The following ROR2 variants were observed in gnomAD, a reference collection of about 807,000 sequenced individuals.
The protein encoded by ROR2 is ROR family WNT receptor 2, also known as tyrosine-protein kinase transmembrane receptor ROR2.
ROR2 carries 33 observed loss-of-function variants against 74.9 expected under a neutral mutation model. The observed-to-expected ratio is 0.44, with a 90% CI of 0.33 to 0.59. The LOEUF (loss-of-function observed/expected upper bound fraction) is 0.59, where lower values mean the gene tolerates loss of function less well. ROR2 is among the 20% of genes least tolerant of loss of function. The pLI, the probability that ROR2 is intolerant of heterozygous loss-of-function variation, is 0.02. For synonymous variants in ROR2, 586 were observed against 558.7 expected (o/e 1.05, Z -0.69); for missense variants, 1,216 against 1,313.8 (o/e 0.93, Z 1.15).
chr9:91,883,837 A>G (rs960495481), intron 1 of ROR2, among the ~76,000 whole-genome samples: 4 of 151,868 alleles, frequency 2.6e-5, no homozygotes, highest in Admixed American at 6.6e-5. Flanking sequence ...CACCACCAAA[A>G]TCCCTTCCCC....
At chr9:91,827,314 AT>A (rs890688590) in intron 1 of ROR2, among the ~76,000 whole-genome samples, 13 of 150,634 alleles carry the variant, frequency 8.6e-5, no homozygotes, top group African/African-American at 2.2e-4. Flanking sequence ...TTGCTATATC[AT>A]TTTTTTTTAA....
At chr9:91,730,500 G>A (rs1837200872) in intron 7 of ROR2, among the ~76,000 whole-genome samples, 1 of 152,116 alleles carries the variant, frequency 6.6e-6, no homozygotes. Flanking sequence ...TCACTCTGCT[G>A]TCCATGCTGG....
chr9:91,765,711 C>A (rs934175180), intron 2 of ROR2, among the ~76,000 whole-genome samples: 2 of 152,164 alleles, frequency 1.3e-5, no homozygotes, highest in Non-Finnish European at 2.9e-5. Context: ...GACTGCAGCT[C>A]GCAGGTCTCC....
chr9:91,744,213 CTTTT>C (rs1167780367), intron 4 of ROR2, among the ~76,000 whole-genome samples: 43 of 89,076 alleles, frequency 4.8e-4, no homozygotes, highest in African/African-American at 1.3e-3. Context: ...AATTTGTTAA[CTTTT>C]TTTTTTTTTT....
At chr9:91,756,876 G>A (rs764940107) in intron 3 of ROR2, among the ~76,000 whole-genome samples, 2 of 150,142 alleles carry the variant, frequency 1.3e-5, no homozygotes, top group Non-Finnish European at 3.0e-5. Context: ...TCAGCCTCCT[G>A]AGTAGCTGGG....
intron 1 of ROR2, among the ~76,000 whole-genome samples, chr9:91,814,220 G>A (rs58489821): frequency 0.075 from 11,462 of 152,110 alleles, 1,077 homozygotes; most frequent in African/African-American, 0.21. Context: ...AAGAAGAAAG[G>A]AGAATGTTTG....
chr9:91,887,668 TAGG>T (rs1484591892), intron 1 of ROR2, among the ~76,000 whole-genome samples: 2 of 152,092 alleles, frequency 1.3e-5, no homozygotes, highest in African/African-American at 2.4e-5. Flanking sequence ...TTGCACTGAG[TAGG>T]AGAAGCATGA....
intron 1 of ROR2, among the ~76,000 whole-genome samples, chr9:91,938,823 G>A (rs1171494595): frequency 1.3e-5 from 2 of 152,188 alleles, no homozygotes; most frequent in East Asian, 1.9e-4. Context: ...ACCCACAGTT[G>A]AGAATTAGCA....
intron 2 of ROR2, among the ~76,000 whole-genome samples, chr9:91,768,847 T>A (rs1424513428): frequency 1.3e-5 from 2 of 152,170 alleles, no homozygotes; most frequent in East Asian, 3.8e-4. Context: ...GACCATTCAG[T>A]GGCTCCAGAT....
At chr9:91,791,500 AAAG>A (rs1449441278) in intron 1 of ROR2, among the ~76,000 whole-genome samples, 1 of 152,226 alleles carries the variant, frequency 6.6e-6, no homozygotes, top group Non-Finnish European at 1.5e-5. Flanking sequence ...TACTAGAAAC[AAAG>A]AAGGACATTT....
chr9:91,871,314 T>A (rs954934611), intron 1 of ROR2, among the ~76,000 whole-genome samples: 4 of 152,232 alleles, frequency 2.6e-5, no homozygotes, highest in Non-Finnish European at 5.9e-5. Flanking sequence ...TTTCTTACTA[T>A]CTCATTCTAT....
At chr9:91,903,710 T>C (rs1489365234) in intron 1 of ROR2, among the ~76,000 whole-genome samples, 1 of 152,092 alleles carries the variant, frequency 6.6e-6, no homozygotes, top group Non-Finnish European at 1.5e-5. Context: ...CCGGTGAGCA[T>C]TCGACAACTC....
In ROR2 at chr9:91,914,458, A is replaced by G. The variant is rs1831071959; in HGVS notation, c.97+35409T>C. Among the ~76,000 whole-genome samples, 2 of 152,164 alleles carry G rather than the reference A, an allele frequency of 1.3e-5. 1 individual carries two copies. The highest frequency in any genetic ancestry group is 1.3e-4 in the Admixed American group (2 of 15,274). On this transcript the variant is annotated intron_variant, in intron 1 of 8. Coordinates refer to ENST00000375708, the MANE Select transcript of ROR2 (RefSeq NM_004560.4). ...CATAAAGGAATCTTCCCTTAACAAGAGAGCTGCGGGGAGGTGGTTCATGAC... is the reference window on the plus strand; with the variant it reads ...CATAAAGGAATCTTCCCTTAACAAGGGAGCTGCGGGGAGGTGGTTCATGAC...
intron 1 of ROR2, among the ~76,000 whole-genome samples, chr9:91,840,058 G>A (rs1011119527): frequency 2.0e-5 from 3 of 152,146 alleles, no homozygotes; most frequent in Admixed American, 6.5e-5. Context: ...TTCTCAGGGA[G>A]AGCCTCACCC....
intron 2 of ROR2, among the ~76,000 whole-genome samples, chr9:91,762,294 T>C (rs1239476778): frequency 2.6e-5 from 4 of 152,228 alleles, no homozygotes; most frequent in Non-Finnish European, 5.9e-5. Context: ...TTGCAAGTTT[T>C]TAAAGATCTT....
Position 91,869,205 on chromosome 9 carries a change from G to A in ROR2, c.97+80662C>T, listed in dbSNP as rs180994550. 1.2e-4 allele frequency among the ~76,000 whole-genome samples: 19 copies of A among 152,130 alleles called. No individual in the cohort carries two copies. The East Asian group carries it at 3.5e-3, about 28-fold the overall frequency. ...CCTGAGCACCTGGGACTGCAGGCACGTGCCACCACACCCAGTGAATTTATT... is the reference window on the plus strand; with the variant it reads ...CCTGAGCACCTGGGACTGCAGGCACATGCCACCACACCCAGTGAATTTATT... On this transcript the variant is annotated intron_variant, in intron 1 of 8. Transcript: ENST00000375708.
In ROR2 at chr9:91,733,505, A is replaced by T. The variant is rs554771577; in HGVS notation, c.623-69T>A. On this transcript the variant is annotated intron_variant, in intron 5 of 8. Coordinates refer to ENST00000375708, the MANE Select transcript of ROR2 (RefSeq NM_004560.4). This position sits in a 1 kb window ranked among gnomAD's most constrained non-coding sequence, Gnocchi z 5.7. ...CGCCCTTGACATTCATCCAGTCCCC[A>T]CCCCCAGCCTGGCATCCCAGACTGC... The T allele has an allele frequency of 5.4e-6, 8 of 1,492,388 alleles. No homozygotes were observed. In the South Asian group the frequency reaches 8.7e-5, roughly 16 times the overall value. 92.4% of individuals were successfully genotyped at this position (1,492,388 alleles called of 1,614,324 possible). A position where few individuals can be genotyped will look rare whatever the true frequency, so the allele number is the denominator to read the frequency against.
chr9:91,853,629 C>T (rs1829183003), intron 1 of ROR2, among the ~76,000 whole-genome samples: 1 of 152,130 alleles, frequency 6.6e-6, no homozygotes, highest in African/African-American at 2.4e-5. Flanking sequence ...CCAAGGGCTA[C>T]CTCACCCCCT....
At chr9:91,912,330 C>T (rs1036765489) in intron 1 of ROR2, among the ~76,000 whole-genome samples, 1 of 152,132 alleles carries the variant, frequency 6.6e-6, no homozygotes, top group African/African-American at 2.4e-5. Context: ...CTTATTAGTA[C>T]AGTAGCAAAA....
Sources: gnomAD v4.1 joint callset for allele counts (sites outside exome capture counted in the v4.1 genomes callset) on GRCh38, gnomAD v4.1.1 for gene constraint, Gnocchi (gnomAD v3.1) non-coding constraint, MANE v1.5 for transcripts, NCBI Gene and HGNC (gene_info 2026-07-23, HGNC 2026-07-21) for gene names.